KCNT2: variants seen among roughly 807,000 people sequenced by gnomAD.
The protein encoded by KCNT2 is potassium sodium-activated channel subfamily T member 2, also known as potassium channel subfamily T member 2.
KCNT2 carries 67 observed loss-of-function variants against 153.8 expected under a neutral mutation model. The observed-to-expected ratio is 0.44, with a 90% CI of 0.36 to 0.53. The LOEUF (loss-of-function observed/expected upper bound fraction) is 0.53. Ranked by LOEUF, KCNT2 falls within the 20% of genes least tolerant of loss-of-function variation. The pLI, the probability that KCNT2 is intolerant of heterozygous loss-of-function variation, is 0.00. For missense variants in KCNT2, 975 were observed against 1,354.8 expected, an observed-to-expected ratio of 0.72 and a Z score of 4.40; for synonymous variants, 500 against 458.8, an observed-to-expected ratio of 1.09 and a Z score of -1.15.
intron 16 of KCNT2, among the ~76,000 whole-genome samples, chr1:196,336,160 AC>A (rs1336181200): frequency 1.3e-4 from 20 of 152,024 alleles, no homozygotes; most frequent in Non-Finnish European, 1.9e-4. Flanking sequence ...TGGCAGTTTC[AC>A]CATACACATA....
chr1:196,350,297 G>A (rs908362347), intron 14 of KCNT2, among the ~76,000 whole-genome samples: 65 of 152,220 alleles, frequency 4.3e-4, no homozygotes, highest in African/African-American at 1.5e-3. Flanking sequence ...CTTCCACAAT[G>A]GTTGAACTAG....
At chr1:196,415,564 C>T (rs759575728) in intron 12 of KCNT2, among the ~76,000 whole-genome samples, 20 of 151,658 alleles carry the variant, frequency 1.3e-4, no homozygotes, top group Middle Eastern at 3.4e-3. Flanking sequence ...ATGATACAGC[C>T]TATTGTTATG....
At chr1:196,364,940 G>A (rs747982991) in intron 14 of KCNT2, among the ~76,000 whole-genome samples, 5 of 152,028 alleles carry the variant, frequency 3.3e-5, no homozygotes, top group Middle Eastern at 3.4e-3. Context: ...TTAATTCTGC[G>A]CCATGTAAAA....
chr1:196,384,115 T>A (rs1389090356), intron 13 of KCNT2, among the ~76,000 whole-genome samples: 1 of 152,198 alleles, frequency 6.6e-6, no homozygotes, highest in Non-Finnish European at 1.5e-5. Flanking sequence ...TCATAATGCA[T>A]ATGTATATCA....
chr1:196,605,717 A>T (rs771188412), intron 1 of KCNT2, among the ~76,000 whole-genome samples: 1 of 152,176 alleles, frequency 6.6e-6, no homozygotes. Context: ...TGCAAAGAGG[A>T]ATTTGTCACC....
intron 21 of KCNT2, among the ~76,000 whole-genome samples, chr1:196,310,739 TA>T (rs1558129797): frequency 6.6e-6 from 1 of 151,896 alleles, no homozygotes; most frequent in Non-Finnish European, 1.5e-5. Context: ...AGAAGTCTTT[TA>T]ACTGGTCGGC....
chr1:196,354,067 T>C (rs1666977974), intron 14 of KCNT2, among the ~76,000 whole-genome samples: 2 of 151,942 alleles, frequency 1.3e-5, no homozygotes, highest in African/African-American at 4.8e-5. Context: ...CTGTATGTTT[T>C]TGTGAAATTC....
intron 22 of KCNT2, among the ~76,000 whole-genome samples, chr1:196,290,570 A>ACACC (rs1660095656): frequency 6.6e-6 from 1 of 151,478 alleles, no homozygotes; most frequent in African/African-American, 2.4e-5. Flanking sequence ...ATAGGTGTAT[A>ACACC]TATATATATA....
intron 12 of KCNT2, among the ~76,000 whole-genome samples, chr1:196,406,842 T>C (rs1671871811): frequency 6.6e-6 from 1 of 151,352 alleles, no homozygotes; most frequent in African/African-American, 2.4e-5. Context: ...AATTTACCAC[T>C]CCTTACAGAT....
At chr1:196,486,378 T>C (rs917060431) in intron 3 of KCNT2, among the ~76,000 whole-genome samples, 2 of 151,992 alleles carry the variant, frequency 1.3e-5, no homozygotes, top group South Asian at 2.1e-4. Context: ...TGAATTAGAC[T>C]GTCCTGTTGA....
At chr1:196,326,667 A>G in intron 19 of KCNT2, 50 bp downstream of exon 19, 2 of 1,089,636 alleles carry the variant, frequency 1.8e-6, no homozygotes, top group Non-Finnish European at 2.6e-6. Context: ...ATACATTAAC[A>G]TACTATTAAA....
chr1:196,418,276 G>A (rs996857579), intron 12 of KCNT2, among the ~76,000 whole-genome samples: 1 of 151,964 alleles, frequency 6.6e-6, no homozygotes, highest in Non-Finnish European at 1.5e-5. Flanking sequence ...GGAAGTTCAA[G>A]ACCAGCCTGA....
intron 8 of KCNT2, among the ~76,000 whole-genome samples, chr1:196,434,458 C>T (rs1047260464): frequency 1.3e-5 from 2 of 151,858 alleles, no homozygotes; most frequent in Non-Finnish European, 2.9e-5. Flanking sequence ...GCTTCCAGGT[C>T]TTTTGTTTGT....
At chr1:196,267,160 G>A (rs148722027) in intron 25 of KCNT2, among the ~76,000 whole-genome samples, 3 of 152,184 alleles carry the variant, frequency 2.0e-5, no homozygotes, top group Non-Finnish European at 4.4e-5. Flanking sequence ...GTTTCTGTGG[G>A]AAAATAGGTA....
At chr1:196,434,622 T>C (rs1330735548) in intron 8 of KCNT2, among the ~76,000 whole-genome samples, 1 of 151,974 alleles carries the variant, frequency 6.6e-6, no homozygotes, top group Non-Finnish European at 1.5e-5. Context: ...ACAAATGAAG[T>C]CTTCATATGT....
intron 3 of KCNT2, among the ~76,000 whole-genome samples, chr1:196,483,667 C>A (rs1425512513): frequency 6.6e-6 from 1 of 152,170 alleles, no homozygotes; most frequent in Non-Finnish European, 1.5e-5. Flanking sequence ...GAGGATTCCA[C>A]TTGATCAACT....
At chr1:196,383,262 T>A (rs1669664818) in intron 13 of KCNT2, among the ~76,000 whole-genome samples, 1 of 152,204 alleles carries the variant, frequency 6.6e-6, no homozygotes, top group Non-Finnish European at 1.5e-5. Flanking sequence ...CATAGGCAGC[T>A]CATGCCATAT....
chr1:196,229,604 C>T (rs1558047974), intron 27 of KCNT2, among the ~76,000 whole-genome samples: 1 of 152,046 alleles, frequency 6.6e-6, no homozygotes, highest in Non-Finnish European at 1.5e-5. Context: ...GAGGAAGGAA[C>T]ATCAAAAGCT....
At chr1:196,254,836 T>C (rs879944513) in intron 26 of KCNT2, among the ~76,000 whole-genome samples, 10 of 151,668 alleles carry the variant, frequency 6.6e-5, no homozygotes, top group Admixed American at 6.6e-4. Flanking sequence ...TTAGGCAAAT[T>C]ATAATTTCCT....
Sources: gnomAD v4.1 joint callset for allele counts (sites outside exome capture counted in the v4.1 genomes callset) on GRCh38, gnomAD v4.1.1 for gene constraint, MANE v1.5 for transcripts, NCBI Gene and HGNC (gene_info 2026-07-23, HGNC 2026-07-21) for gene names.